Variants in ANXA4 observed in about 807,000 individuals in gnomAD.
ANXA4 encodes the protein 35-beta calcimedin.
A neutral mutation model predicts 49.8 loss-of-function variants in ANXA4; 39 were observed. That is an observed-to-expected ratio of 0.78 (90% CI 0.61 to 1.02). The LOEUF (loss-of-function observed/expected upper bound fraction) is 1.02, where lower values mean the gene tolerates loss of function less well. Among genes scored for constraint, ANXA4 ranks in the 50% least tolerant of loss-of-function variants. The pLI is 0.00. For missense variants in ANXA4, 360 were observed against 410.1 expected, an observed-to-expected ratio of 0.88 and a Z score of 1.05; for synonymous variants, 134 against 152.5, an observed-to-expected ratio of 0.88 and a Z score of 0.89.
At chr2:69,670,896 C>T (rs868623180) in intron 2 of ANXA4, among the ~76,000 whole-genome samples, 43 of 151,834 alleles carry the variant, frequency 2.8e-4, no homozygotes, top group African/African-American at 1.0e-3. Flanking sequence ...CATGATGGTG[C>T]ACACCAGTAG....
chr2:69,770,468 G>A (rs1437033763), intron 1 of ANXA4, among the ~76,000 whole-genome samples: 2 of 152,176 alleles, frequency 1.3e-5, no homozygotes, highest in Non-Finnish European at 2.9e-5. Flanking sequence ...TTCCAGCGAA[G>A]GGAAGGATTC....
chr2:69,656,698 C>T (rs1014376518), intron 2 of ANXA4, among the ~76,000 whole-genome samples: 7 of 150,868 alleles, frequency 4.6e-5, no homozygotes, highest in Admixed American at 6.6e-5. Flanking sequence ...TACAGGCATG[C>T]GCCACCACAC....
chr2:69,784,674 T>C (rs1672341192), intron 2 of ANXA4, among the ~76,000 whole-genome samples: 1 of 152,228 alleles, frequency 6.6e-6, no homozygotes, highest in Non-Finnish European at 1.5e-5. Flanking sequence ...TAGAAATGTA[T>C]TGCCTCACAG....
chr2:69,819,362 C>A, intron 11 of ANXA4, 24 bp downstream of exon 11: 1 of 1,571,680 alleles, frequency 6.4e-7, no homozygotes, highest in Non-Finnish European at 8.7e-7. Flanking sequence ...TTTTCAGCAT[C>A]TAAATGAATT....
At chr2:69,656,259 G>A (rs1287381265) in intron 2 of ANXA4, among the ~76,000 whole-genome samples, 8 of 119,886 alleles carry the variant, frequency 6.7e-5, no homozygotes, top group Non-Finnish European at 1.0e-4. Context: ...ATGTATATAC[G>A]TATATATATG....
intron 2 of ANXA4, among the ~76,000 whole-genome samples, chr2:69,680,726 T>G (rs1296076686): frequency 6.6e-6 from 1 of 152,196 alleles, no homozygotes; most frequent in Non-Finnish European, 1.5e-5. Flanking sequence ...ATGTTGAATT[T>G]TATCAAATGC....
intron 1 of ANXA4, among the ~76,000 whole-genome samples, chr2:69,769,535 T>C (rs1671629440): frequency 6.6e-6 from 1 of 152,018 alleles, no homozygotes; most frequent in South Asian, 2.1e-4. Context: ...CATGGAGGAG[T>C]GTTTAATAAG....
At chr2:69,802,647 G>A (rs551321441) in intron 3 of ANXA4, among the ~76,000 whole-genome samples, 1 of 150,294 alleles carries the variant, frequency 6.7e-6, no homozygotes, top group African/African-American at 2.5e-5. Flanking sequence ...GGAGGCAGAG[G>A]TTGCAGTGAG....
chr2:69,796,619 A>G (rs1316645444), intron 3 of ANXA4, among the ~76,000 whole-genome samples: 1 of 152,186 alleles, frequency 6.6e-6, no homozygotes, highest in Non-Finnish European at 1.5e-5. Context: ...ACAGTCCTGT[A>G]ATGAGAAGGG....
At chr2:69,669,236 C>T (rs1297504334) in intron 2 of ANXA4, among the ~76,000 whole-genome samples, 2 of 151,552 alleles carry the variant, frequency 1.3e-5, no homozygotes, top group African/African-American at 2.4e-5. Context: ...TAAGCCACTG[C>T]GCCTGGCCTT....
chr2:69,671,818 C>T (rs2105342624), intron 2 of ANXA4, among the ~76,000 whole-genome samples: 1 of 152,220 alleles, frequency 6.6e-6, no homozygotes, highest in East Asian at 1.9e-4. Context: ...AACACCAATC[C>T]TTGGTAAGGC....
intron 2 of ANXA4, among the ~76,000 whole-genome samples, chr2:69,668,794 G>A (rs868116723): frequency 1.6e-4 from 24 of 152,216 alleles, no homozygotes; most frequent in Middle Eastern, 6.8e-3. Flanking sequence ...TTGCCTTCTG[G>A]TATTCACGTG....
chr2:69,647,138 A>G (rs1273704385), intron 1 of ANXA4, among the ~76,000 whole-genome samples: 6 of 152,172 alleles, frequency 3.9e-5, no homozygotes, highest in Non-Finnish European at 8.8e-5. Flanking sequence ...ATTCTTAGCC[A>G]ACTCATTTGG....
upstream of ANXA4, among the ~76,000 whole-genome samples, chr2:69,738,508 C>T (rs994323431): frequency 6.6e-6 from 1 of 152,068 alleles, no homozygotes; most frequent in Non-Finnish European, 1.5e-5. Context: ...AAATTCTTTG[C>T]ACCCTCCCAC....
intron 3 of ANXA4, among the ~76,000 whole-genome samples, chr2:69,791,119 T>C (rs919938952): frequency 2.0e-4 from 30 of 152,224 alleles, no homozygotes; most frequent in African/African-American, 7.2e-4. Flanking sequence ...TTTGTACTTT[T>C]AAATACCTGT....
At chr2:69,773,647 T>C (rs35949904) in intron 1 of ANXA4, among the ~76,000 whole-genome samples, 1 of 130,824 alleles carries the variant, frequency 7.6e-6, no homozygotes, top group Non-Finnish European at 1.6e-5. Context: ...TTTTTTTTTG[T>C]TTTCGACAGA....
chr2:69,792,705 A>G (rs1258579103), intron 3 of ANXA4, among the ~76,000 whole-genome samples: 2 of 152,216 alleles, frequency 1.3e-5, no homozygotes, highest in African/African-American at 2.4e-5. Flanking sequence ...ATCTTTAAAT[A>G]AAAACATCTT....
intron 1 of ANXA4, among the ~76,000 whole-genome samples, chr2:69,652,055 C>T (rs1172979657): frequency 6.6e-6 from 1 of 152,056 alleles, no homozygotes; most frequent in Non-Finnish European, 1.5e-5. Flanking sequence ...CTCTATCACC[C>T]AGGCTAGAGG....
At chr2:69,692,999 G>A (rs1048702616) in intron 2 of ANXA4, among the ~76,000 whole-genome samples, 3 of 152,154 alleles carry the variant, frequency 2.0e-5, no homozygotes, top group African/African-American at 7.2e-5. Flanking sequence ...GGGAGGGATG[G>A]TCAGAGTGTT....
Sources: gnomAD v4.1 joint callset for allele counts (sites outside exome capture counted in the v4.1 genomes callset) on GRCh38, gnomAD v4.1.1 for gene constraint, MANE v1.5 for transcripts, NCBI Gene and HGNC (gene_info 2026-07-23, HGNC 2026-07-21) for gene names.